ATRN: variants seen among roughly 807,000 people sequenced by gnomAD.
The protein encoded by ATRN is attractin.
In ATRN, 54 loss-of-function variants were observed where a neutral mutation model predicts 178.7. The observed-to-expected ratio is 0.30, with a 90% confidence interval of 0.24 to 0.38. The LOEUF (loss-of-function observed/expected upper bound fraction) is 0.38, where lower values mean the gene tolerates loss of function less well. ATRN is among the 10% of genes least tolerant of loss of function. The pLI is 1.00. For missense variants in ATRN, 1,443 were observed against 1,815.1 expected, an observed-to-expected ratio of 0.79 and a Z score of 3.73; for synonymous variants, 636 against 663.0, an observed-to-expected ratio of 0.96 and a Z score of 0.63.
intron 1 of ATRN, chr20:3,489,429 G>A (rs1399861153): frequency 2.1e-5 from 15 of 730,968 alleles, no homozygotes; most frequent in East Asian, 2.6e-5. Context: ...ATGAGACTAC[G>A]TAGCAAAGGG....
rs1043200196 is a variant in ATRN at position 3,549,345 on chromosome 20, C to T, written c.1112+7C>T. The T allele has an allele frequency of 6.0e-6, 9 of 1,508,012 alleles. No homozygotes were observed. The African/African-American group carries it at 7.2e-5, about 12-fold the overall frequency. The allele number at this position is 1,508,012 out of a possible 1,614,324, so 93.4% of individuals were successfully genotyped here. A position where few individuals can be genotyped will look rare whatever the true frequency, so the allele number is the denominator to read the frequency against. On this transcript the variant is annotated splice_region_variant and intron_variant, in intron 6 of 28. Coordinates refer to ENST00000262919, the MANE Select transcript of ATRN (RefSeq NM_139321.3). ...ATTATAACATGGTTCTAGCGTAAGT[C>T]GTTTTAAACATTTTTGCAAGAAGCT...
intron 25 of ATRN, among the ~76,000 whole-genome samples, chr20:3,627,009 A>T (rs2146317341): frequency 6.6e-6 from 1 of 151,622 alleles, no homozygotes; most frequent in South Asian, 2.1e-4. Context: ...CTGGTCTCGA[A>T]CTCCTGACCT....
At chr20:3,596,301 A>G (rs372406499) in intron 20 of ATRN, 76 bp from the exon 21 acceptor site, 2 of 1,395,654 alleles carry the variant, frequency 1.4e-6, no homozygotes. Context: ...TTTATATAAA[A>G]GGATCTGTTT....
chr20:3,567,616 A>G (rs1158586793), intron 11 of ATRN, among the ~76,000 whole-genome samples: 1 of 152,214 alleles, frequency 6.6e-6, no homozygotes, highest in East Asian at 1.9e-4. Flanking sequence ...TTTTGGTTTA[A>G]TTTTATGAAA....
chr20:3,628,614 C>A (rs1443779707), intron 25 of ATRN, among the ~76,000 whole-genome samples: 3 of 152,140 alleles, frequency 2.0e-5, no homozygotes, highest in African/African-American at 7.2e-5. Flanking sequence ...GTTATCAGAT[C>A]TAAAAATCAT....
chr20:3,576,695 G>GTCTGTCTGTCTATCTATCTATCTATCTA (rs11472378), intron 13 of ATRN, among the ~76,000 whole-genome samples, 164 bp from the exon 14 acceptor site: 295 of 142,376 alleles, frequency 2.1e-3, no homozygotes, highest in East Asian at 7.5e-3. Context: ...CTGTCTGTCT[G>GTCTGTCTGTCTATCTATCTATCTATCTA]TCTATCTATC....
At chr20:3,516,369 A>G (rs547952159) in intron 1 of ATRN, among the ~76,000 whole-genome samples, 1 of 152,286 alleles carries the variant, frequency 6.6e-6, no homozygotes, top group East Asian at 1.9e-4. Context: ...TAGAGTTGCC[A>G]TACGTATAAC....
At chr20:3,550,322 C>A (rs879927275) in intron 6 of ATRN, among the ~76,000 whole-genome samples, 3 of 152,184 alleles carry the variant, frequency 2.0e-5, no homozygotes, top group African/African-American at 4.8e-5. Context: ...CATTCTGTTC[C>A]ATTGGTCTAT....
In ATRN at chr20:3,645,270, G is replaced by T. The variant is rs937717673; in HGVS notation, c.4165+1002G>T. Among the ~76,000 whole-genome samples, 2 of 152,218 alleles carry T rather than the reference G, an allele frequency of 1.3e-5. No individual in the cohort carries two copies. Among genetic ancestry groups the T allele is most frequent in the Admixed American group, 6.5e-5 (1 of 15,290 alleles). On this transcript the variant is annotated intron_variant, in intron 28 of 28. Transcript: ENST00000262919. This position sits in a 1 kb window ranked among gnomAD's most constrained non-coding sequence, Gnocchi z 4.7. Reference sequence around the variant, plus strand: ...CTTCAGTGCACCCTCAGACCCAGAAGATCCTCCAGCCCAGCTTTAGAATGG... The same window carrying T: ...CTTCAGTGCACCCTCAGACCCAGAATATCCTCCAGCCCAGCTTTAGAATGG...
intron 24 of ATRN, among the ~76,000 whole-genome samples, chr20:3,614,385 C>T (rs1050856756): frequency 3.9e-5 from 6 of 152,118 alleles, no homozygotes; most frequent in African/African-American, 9.7e-5. Context: ...GGCTCGTTCC[C>T]GACTCTGCAA....
intron 24 of ATRN, among the ~76,000 whole-genome samples, chr20:3,611,627 A>T (rs1020560510): frequency 1.3e-5 from 2 of 152,240 alleles, no homozygotes; most frequent in Non-Finnish European, 2.9e-5. Context: ...CTATAGTCCC[A>T]GCTACTCAGG....
At chr20:3,628,381 C>T (rs1164596245) in intron 25 of ATRN, among the ~76,000 whole-genome samples, 2 of 152,200 alleles carry the variant, frequency 1.3e-5, no homozygotes, top group African/African-American at 4.8e-5. Flanking sequence ...GGGAACAAGA[C>T]AGAGATCCAC....
chr20:3,523,202 A>G (rs2085319512), intron 1 of ATRN, among the ~76,000 whole-genome samples: 1 of 152,020 alleles, frequency 6.6e-6, no homozygotes, highest in South Asian at 2.1e-4. Context: ...TAGAATAACC[A>G]GTTTAGAGAA....
intron 1 of ATRN, among the ~76,000 whole-genome samples, chr20:3,508,822 G>GT (rs1160013551): frequency 6.6e-6 from 1 of 152,132 alleles, no homozygotes; most frequent in Non-Finnish European, 1.5e-5. Flanking sequence ...ACAAGCAGCT[G>GT]GTATAGGTGG....
At chr20:3,474,493 G>T (rs1257525426) in intron 1 of ATRN, among the ~76,000 whole-genome samples, 1 of 151,870 alleles carries the variant, frequency 6.6e-6, no homozygotes, top group Non-Finnish European at 1.5e-5. Flanking sequence ...GTATCACGAG[G>T]TCAGGAGATC....
chr20:3,501,731 C>T (rs920043127), intron 1 of ATRN, among the ~76,000 whole-genome samples: 1 of 152,104 alleles, frequency 6.6e-6, no homozygotes, highest in African/African-American at 2.4e-5. Context: ...CAGCTTTTCC[C>T]TTGGGGGGAC....
intron 1 of ATRN, among the ~76,000 whole-genome samples, chr20:3,479,521 G>A (rs1225550582): frequency 6.6e-6 from 1 of 152,146 alleles, no homozygotes; most frequent in African/African-American, 2.4e-5. Context: ...ATCTGGGGGA[G>A]AAAGACATTC....
chr20:3,577,305 G>A (rs1437300265), intron 14 of ATRN, among the ~76,000 whole-genome samples: 2 of 152,182 alleles, frequency 1.3e-5, no homozygotes, highest in African/African-American at 4.8e-5. Flanking sequence ...CCTGGGACTA[G>A]ACCATGATGT....
At chr20:3,506,167 T>C (rs756492253) in intron 1 of ATRN, among the ~76,000 whole-genome samples, 2 of 152,206 alleles carry the variant, frequency 1.3e-5, no homozygotes, top group Non-Finnish European at 2.9e-5. Flanking sequence ...GTTGTGATAC[T>C]GTACTGTAGT....
Sources: gnomAD v4.1 joint callset for allele counts (sites outside exome capture counted in the v4.1 genomes callset) on GRCh38, gnomAD v4.1.1 for gene constraint, Gnocchi (gnomAD v3.1) non-coding constraint, MANE v1.5 for transcripts, NCBI Gene and HGNC (gene_info 2026-07-23, HGNC 2026-07-21) for gene names.